Variants in SNAPC3 observed in about 807,000 individuals in gnomAD.
SNAPC3 encodes snRNA-activating protein complex subunit 3.
A neutral mutation model predicts 47.7 loss-of-function variants in SNAPC3; 56 were observed. That is an observed-to-expected ratio of 1.18 (90% CI 0.95 to 1.47). SNAPC3 has a LOEUF of 1.47. Among genes scored for constraint, SNAPC3 ranks in the 40% most tolerant of loss-of-function variants. The probability of loss-of-function intolerance (pLI) is 0.00; values close to 1 mark genes in which losing one functional copy is unlikely to be tolerated. For synonymous variants in SNAPC3, 235 were observed against 189.9 expected (o/e 1.24, Z -1.95); for missense variants, 665 against 511.3 (o/e 1.30, Z -2.90).
chr9:15,439,257 C>G (rs2033106674), intron 3 of SNAPC3, among the ~76,000 whole-genome samples: 1 of 152,234 alleles, frequency 6.6e-6, no homozygotes, highest in Admixed American at 6.5e-5. Flanking sequence ...GCAATCTGCC[C>G]ACCTTGGTCT....
Position 15,460,979 on chromosome 9 carries a change from T to C in SNAPC3, c.*1113T>C, listed in dbSNP as rs1257135153. ...CATGGAAAAATCAAGATCCTATTGA[T>C]TGCTAGCTCTGGCTCACTTATTCTC... On this transcript the variant is annotated 3_prime_UTR_variant, in exon 9 of 9. Transcript: ENST00000380821. 6.6e-6 allele frequency: 1 copy of C among 152,186 alleles called. No individual in the cohort carries two copies. The highest frequency in any genetic ancestry group is 2.4e-5 in the African/African-American group (1 of 41,452). The allele number at this position is 152,186 out of a possible 1,614,324, so 9.4% of individuals were successfully genotyped here.
chr9:15,446,093 A>C (rs923692207), intron 4 of SNAPC3, among the ~76,000 whole-genome samples: 9 of 152,238 alleles, frequency 5.9e-5, no homozygotes, highest in Non-Finnish European at 1.0e-4. Context: ...AGTCTTGCTA[A>C]ATGAAGTTAC....
intron 5 of SNAPC3, among the ~76,000 whole-genome samples, chr9:15,449,410 A>G (rs1239720321): frequency 6.6e-6 from 1 of 151,722 alleles, no homozygotes; most frequent in African/African-American, 2.4e-5. Flanking sequence ...TTGTCAATTT[A>G]CTTGGTCTGT....
chr9:15,464,673 ATT>A (rs902938480), downstream of SNAPC3: 1 of 198,082 alleles, frequency 5.0e-6, no homozygotes, highest in Non-Finnish European at 1.0e-5. Context: ...TCCTAAAGAC[ATT>A]TTTAACAACA....
rs2033942904 is a variant in SNAPC3, at chr9:15,446,492, C to T, written c.583-603C>T. Among the ~76,000 whole-genome samples the T allele has an allele frequency of 2.6e-5, 4 of 152,216 alleles. No homozygotes were observed. In the South Asian group the frequency reaches 8.3e-4, roughly 31 times the overall value. ...AAAGTGTTGGGATTACAGGCATGAG[C>T]CACTGTGCTTGGACATTCCATGCTA... On this transcript the variant is annotated intron_variant, in intron 4 of 8. Transcript: ENST00000380821.
intron 2 of SNAPC3, among the ~76,000 whole-genome samples, chr9:15,430,347 A>C (rs1260634857): frequency 6.6e-6 from 1 of 152,144 alleles, no homozygotes; most frequent in African/African-American, 2.4e-5. Flanking sequence ...TGGAAGGATC[A>C]CTTGAGCCTA....
At chr9:15,426,424 C>T (rs916982089) in intron 2 of SNAPC3, among the ~76,000 whole-genome samples, 1 of 152,156 alleles carries the variant, frequency 6.6e-6, no homozygotes, top group Non-Finnish European at 1.5e-5. Context: ...GTTTAATTTT[C>T]TGTCTTCTTA....
In SNAPC3 at chr9:15,461,459, G is replaced by C. The variant is rs1236302077; in HGVS notation, c.*1593G>C. 1.3e-5 allele frequency: 2 copies of C among 152,190 alleles called. No individual in the cohort carries two copies. The highest frequency in any genetic ancestry group is 2.9e-5 in the Non-Finnish European group (2 of 68,036). The allele number at this position is 152,190 out of a possible 1,614,324, so 9.4% of individuals were successfully genotyped here. On this transcript the variant is annotated 3_prime_UTR_variant, in exon 9 of 9. Transcript: ENST00000380821. The stretch of plus-strand genomic sequence containing the variant: ...TTACAGGCATGAACCACAGCGCCCA[G>C]CAAAATAAACTTTCTTTATTTTCAG...
At chr9:15,439,091 C>T (rs1163843333) in intron 3 of SNAPC3, among the ~76,000 whole-genome samples, 1 of 151,616 alleles carries the variant, frequency 6.6e-6, no homozygotes, top group African/African-American at 2.4e-5. Flanking sequence ...CGCATTGCTG[C>T]CTCAACCTCC....
At chr9:15,430,153 G>T (rs997136649) in intron 2 of SNAPC3, among the ~76,000 whole-genome samples, 2 of 152,238 alleles carry the variant, frequency 1.3e-5, no homozygotes, top group Non-Finnish European at 2.9e-5. Context: ...CTAACAGGTT[G>T]CGTGCAGTGG....
In SNAPC3 at chr9:15,423,952, G is replaced by C; in HGVS notation, c.358G>C (p.Val120Leu). 1 of 1,589,846 alleles carries C rather than the reference G, an allele frequency of 6.3e-7. No individual in the cohort carries two copies. Among genetic ancestry groups the C allele is most frequent in the Non-Finnish European group, 8.6e-7 (1 of 1,169,424 alleles). ...KCLEDGEDPE[V>L]IPENTDLVTL... ...CCTTGAGGACGGTGAGGATCCAGAA[G>C]TCATTCCGGAGAATACTGACCTGGT... is the stretch of plus-strand genomic sequence containing the variant. Residue 120 changes from valine (V) to leucine (L), a missense_variant, in exon 2 of 9, where the codon GTC becomes CTC. Val to Leu is a conservative substitution (Grantham distance 32, BLOSUM62 1). Transcript: ENST00000380821.
downstream of SNAPC3, chr9:15,464,671 A>G (rs1306486023): frequency 2.0e-5 from 4 of 197,916 alleles, no homozygotes; most frequent in Non-Finnish European, 4.2e-5. Flanking sequence ...CTTCCTAAAG[A>G]CATTTTTAAC....
chr9:15,454,218 AGAC>A (rs1346495538), intron 7 of SNAPC3, among the ~76,000 whole-genome samples: 1 of 151,224 alleles, frequency 6.6e-6, no homozygotes, highest in African/African-American at 2.4e-5. Context: ...TGACAGAGTG[AGAC>A]CTTGTCTCAA....
At chr9:15,441,950 T>C (rs936513279) in intron 3 of SNAPC3, among the ~76,000 whole-genome samples, 17 of 152,022 alleles carry the variant, frequency 1.1e-4, no homozygotes, top group African/African-American at 4.1e-4. Flanking sequence ...GAGGAGCTCC[T>C]CACTTCCCAG....
intron 3 of SNAPC3, among the ~76,000 whole-genome samples, chr9:15,437,118 C>T (rs1008852997): frequency 2.6e-5 from 4 of 152,136 alleles, no homozygotes; most frequent in African/African-American, 9.7e-5. Flanking sequence ...AGCCACCGTG[C>T]CCAGCCTATC....
intron 5 of SNAPC3, among the ~76,000 whole-genome samples, chr9:15,450,564 T>G (rs1277421042): frequency 1.3e-5 from 2 of 152,170 alleles, no homozygotes; most frequent in Admixed American, 6.5e-5. Context: ...AGTGGTAGAT[T>G]AAGGAAAAGA....
chr9:15,463,177 A>G (rs1034220895), downstream of SNAPC3: 1 of 149,816 alleles, frequency 6.7e-6, no homozygotes, highest in African/African-American at 2.5e-5. Context: ...AGCTAAGAAA[A>G]CCTTCAATGG....
At chr9:15,454,779 C>G (rs917165419) in intron 7 of SNAPC3, among the ~76,000 whole-genome samples, 4 of 152,080 alleles carry the variant, frequency 2.6e-5, no homozygotes, top group Non-Finnish European at 4.4e-5. Context: ...ACTAAAAATA[C>G]AAAAATTAGC....
chr9:15,433,271 G>GAA lies in SNAPC3; in HGVS notation c.393-269_393-268dup, dbSNP rs74311447. Among the ~76,000 whole-genome samples, 12 of 119,224 alleles carry GAA rather than the reference G, an allele frequency of 1.0e-4. No individual in the cohort carries two copies. In the South Asian group the frequency reaches 1.5e-3, roughly 15 times the overall value. 78.2% of individuals were successfully genotyped at this position (119,224 alleles called of 152,430 possible). On this transcript the variant is annotated intron_variant, in intron 2 of 8. Transcript: ENST00000380821. The stretch of plus-strand genomic sequence containing the variant: ...GGATCCTGGATAGGAATCTGGAACA[G>GAA]AAAAAAAAAAAAACGAGTAAATTAA...
Sources: allele counts gnomAD v4.1 joint callset (sites outside exome capture counted in the v4.1 genomes callset), GRCh38; gene constraint gnomAD v4.1.1; transcripts MANE v1.5; gene names NCBI Gene and HGNC (gene_info 2026-07-23, HGNC 2026-07-21).